STK4: variants seen among roughly 807,000 people sequenced by gnomAD.
The protein encoded by STK4 is serine/threonine-protein kinase 4.
A neutral mutation model predicts 64.9 loss-of-function variants in STK4; 30 were observed. That is an observed-to-expected ratio of 0.46 (90% CI 0.35 to 0.63). STK4 has a LOEUF of 0.63. STK4 is among the 20% of genes least tolerant of loss of function. The probability of loss-of-function intolerance (pLI) is 0.01; values close to 1 mark genes in which losing one functional copy is unlikely to be tolerated. For synonymous variants in STK4, 177 were observed against 199.0 expected (o/e 0.89, Z 0.93); for missense variants, 466 against 598.5 (o/e 0.78, Z 2.31).
At chr20:45,030,782 T>C (rs918709923) in intron 10 of STK4, among the ~76,000 whole-genome samples, 1 of 152,096 alleles carries the variant, frequency 6.6e-6, no homozygotes, top group Non-Finnish European at 1.5e-5. Context: ...TGGAAAAAAA[T>C]GTAATATTTT....
chr20:45,026,318 A>AGTGTGTGTGT (rs113148879), intron 10 of STK4, among the ~76,000 whole-genome samples: 18,597 of 145,628 alleles, frequency 0.13, 1,345 homozygotes, highest in Middle Eastern at 0.19. Flanking sequence ...AGACAGAAAG[A>AGTGTGTGTGT]GTGTGTGTGT....
chr20:45,049,947 C>T (rs2068752057), intron 10 of STK4, among the ~76,000 whole-genome samples: 1 of 152,172 alleles, frequency 6.6e-6, no homozygotes, highest in Admixed American at 6.5e-5. Flanking sequence ...TGGGCCTAAA[C>T]GTCTGAATGA....
intron 10 of STK4, among the ~76,000 whole-genome samples, chr20:45,067,838 C>T (rs1248397878): frequency 1.3e-5 from 2 of 152,152 alleles, no homozygotes; most frequent in Non-Finnish European, 2.9e-5. Context: ...CAGGACTTTG[C>T]AGTGACCTGG....
chr20:45,033,599 CAG>C lies in STK4; in HGVS notation c.1305+8472_1305+8473del, dbSNP rs200985321. 1.3e-3 allele frequency among the ~76,000 whole-genome samples: 204 copies of C among 152,154 alleles called. 4 individuals are homozygous for C. In the East Asian group the frequency reaches 0.034, roughly 25 times the overall value. ...GTTTTTTTTGTTTTTTGTTTTGAGA[CAG>C]AGTCTTGCTCTGTTGCCCAGGCTGG... On this transcript the variant is annotated intron_variant, in intron 10 of 10. Transcript: ENST00000372806.
intron 10 of STK4, among the ~76,000 whole-genome samples, chr20:45,070,124 A>G (rs2145482418): frequency 6.6e-6 from 1 of 152,328 alleles, no homozygotes; most frequent in East Asian, 1.9e-4. Flanking sequence ...AGGATCTGAA[A>G]TAAAGTGTAG....
intron 5 of STK4, among the ~76,000 whole-genome samples, chr20:44,988,533 G>GTGTGTGTGTGTGTATA (rs1221720136): frequency 7.1e-4 from 72 of 101,576 alleles, no homozygotes; most frequent in African/African-American, 3.2e-3. Flanking sequence ...ATGTGTGTGT[G>GTGTGTGTGTGTGTATA]TATATATATA....
chr20:44,995,012 T>C (rs1220613542), intron 5 of STK4, 78 bp from the exon 6 acceptor site: 6 of 1,233,582 alleles, frequency 4.9e-6, no homozygotes, highest in Middle Eastern at 2.2e-4. Context: ...TTTTCTTCTT[T>C]TTTTCTCTGT....
intron 9 of STK4, among the ~76,000 whole-genome samples, chr20:45,021,048 G>A (rs1021866191): frequency 1.3e-5 from 2 of 151,952 alleles, no homozygotes; most frequent in African/African-American, 4.8e-5. Context: ...TCGAACTCCT[G>A]GGCTCAAGCA....
chr20:45,061,872 CTT>C (rs71197598), intron 10 of STK4, among the ~76,000 whole-genome samples: 2 of 115,112 alleles, frequency 1.7e-5, no homozygotes, highest in Non-Finnish European at 3.6e-5. Context: ...TCTTCTTCTT[CTT>C]TTTTTTTTTT....
chr20:45,007,319 A>G (rs2067964637), intron 9 of STK4, among the ~76,000 whole-genome samples: 1 of 152,162 alleles, frequency 6.6e-6, no homozygotes. Context: ...TTGGGAGGCC[A>G]TGGCGGGCAG....
In STK4 at chr20:45,071,380, A is replaced by G. The variant is rs112589544; in HGVS notation, c.1306-3638A>G. Among the ~76,000 whole-genome samples the G allele has an allele frequency of 8.6e-3, 1,310 of 152,328 alleles. 18 individuals carry two copies. Among genetic ancestry groups the G allele is most frequent in the African/African-American group, 0.03 (1,257 of 41,572 alleles). ...CCAAGGACCAGGAAGGTGAAATGCTACACTTGGCGCCATGAAACTATTGTC... is the reference window on the plus strand; with the variant it reads ...CCAAGGACCAGGAAGGTGAAATGCTGCACTTGGCGCCATGAAACTATTGTC... On this transcript the variant is annotated intron_variant, in intron 10 of 10. Transcript: ENST00000372806.
At chr20:45,032,073 G>A (rs2068454277) in intron 10 of STK4, among the ~76,000 whole-genome samples, 1 of 152,082 alleles carries the variant, frequency 6.6e-6, no homozygotes, top group Non-Finnish European at 1.5e-5. Flanking sequence ...AATAGAAGGA[G>A]CAATGAGAAT....
chr20:44,968,528 A>G (rs2067192607), intron 1 of STK4, among the ~76,000 whole-genome samples: 1 of 152,216 alleles, frequency 6.6e-6, no homozygotes, highest in Non-Finnish European at 1.5e-5. Context: ...CTATAGTACC[A>G]TAGTGATCCA....
intron 9 of STK4, among the ~76,000 whole-genome samples, chr20:45,004,021 A>G (rs2067889614): frequency 6.6e-6 from 1 of 151,766 alleles, no homozygotes; most frequent in Admixed American, 6.6e-5. Context: ...CCCGGCCTCT[A>G]AAAATGTCTT....
chr20:45,031,904 C>CAAAA (rs11431524), intron 10 of STK4, among the ~76,000 whole-genome samples: 12 of 75,566 alleles, frequency 1.6e-4, no homozygotes, highest in African/African-American at 4.3e-4. Flanking sequence ...GACTTCATCT[C>CAAAA]AAAAAAAAAA....
chr20:44,972,042 A>G (rs2067257148), intron 1 of STK4, 36 bp from the exon 2 acceptor site: 1 of 1,585,592 alleles, frequency 6.3e-7, no homozygotes, highest in African/African-American at 1.4e-5. Flanking sequence ...CCTAGCAAAT[A>G]AAATGTATTT....
chr20:45,007,873 C>T, intron 9 of STK4: 1 of 324,874 alleles, frequency 3.1e-6, no homozygotes, highest in Non-Finnish European at 6.2e-6. Context: ...AGTTTTTCGA[C>T]CCATGGTCCC....
chr20:44,992,195 A>G (rs2067647390), intron 5 of STK4, among the ~76,000 whole-genome samples: 1 of 151,658 alleles, frequency 6.6e-6, no homozygotes, highest in South Asian at 2.1e-4. Context: ...TGCTTAAAAA[A>G]TCCTTTTCTC....
chr20:45,062,968 G>C (rs1180601357), intron 10 of STK4, among the ~76,000 whole-genome samples: 1 of 128,198 alleles, frequency 7.8e-6, no homozygotes, highest in Admixed American at 8.1e-5. Context: ...GGGATTACAG[G>C]TGTGAGCCAC....
Sources: gnomAD v4.1 joint callset for allele counts (sites outside exome capture counted in the v4.1 genomes callset) on GRCh38, gnomAD v4.1.1 for gene constraint, MANE v1.5 for transcripts, NCBI Gene and HGNC (gene_info 2026-07-23, HGNC 2026-07-21) for gene names.